Variants in GXYLT1 observed in about 807,000 individuals in gnomAD.
GXYLT1 encodes the protein glucoside xylosyltransferase 1.
In GXYLT1, 29 loss-of-function variants were observed where a neutral mutation model predicts 54.0. That is an observed-to-expected ratio of 0.54 (90% confidence interval 0.40 to 0.73). The LOEUF (loss-of-function observed/expected upper bound fraction) is 0.73, where lower values mean the gene tolerates loss of function less well. Ranked by LOEUF, GXYLT1 falls within the 30% of genes least tolerant of loss-of-function variation. The pLI, the probability that GXYLT1 is intolerant of heterozygous loss-of-function variation, is 0.00. For missense variants in GXYLT1, 490 were observed against 553.4 expected, an observed-to-expected ratio of 0.89 and a Z score of 1.15; for synonymous variants, 176 against 204.1, an observed-to-expected ratio of 0.86 and a Z score of 1.17.
At chr12:42,133,753 T>C (rs886268026) in intron 1 of GXYLT1, among the ~76,000 whole-genome samples, 11 of 152,160 alleles carry the variant, frequency 7.2e-5, no homozygotes, top group South Asian at 2.1e-4. Flanking sequence ...GGCAACACTA[T>C]AGTGAGTAAA....
At chr12:42,092,569 C>A (rs964843241) in intron 7 of GXYLT1, among the ~76,000 whole-genome samples, 7 of 151,754 alleles carry the variant, frequency 4.6e-5, no homozygotes, top group African/African-American at 1.7e-4. Context: ...TAAAAGGGGA[C>A]TAATAAGAAC....
intron 3 of GXYLT1, among the ~76,000 whole-genome samples, chr12:42,115,578 G>A (rs867609466): frequency 0.045 from 6,797 of 152,138 alleles, 442 homozygotes; most frequent in African/African-American, 0.14. Context: ...TACAAGGGAT[G>A]TGAAGGACCT....
intron 1 of GXYLT1, among the ~76,000 whole-genome samples, chr12:42,130,090 T>C (rs191689668): frequency 6.6e-6 from 1 of 152,358 alleles, no homozygotes; most frequent in East Asian, 1.9e-4. Flanking sequence ...GGAAACAGTG[T>C]TTCCGTCGGA....
rs1263192131 is a variant in GXYLT1 at position 42,082,449 on chromosome 12, T to C, written c.*5337A>G. The C allele has an allele frequency of 6.6e-6, 1 of 152,188 alleles. No homozygotes were observed. The highest frequency in any genetic ancestry group is 2.4e-5 in the African/African-American group (1 of 41,458). 9.4% of individuals were successfully genotyped at this position (152,188 alleles called of 1,614,324 possible). On this transcript the variant is annotated 3_prime_UTR_variant, in exon 8 of 8. Coordinates refer to ENST00000398675, the MANE Select transcript of GXYLT1 (RefSeq NM_173601.2). ...TCCCTGAAGAGGTTTTATAAAAAGG[T>C]TGAAAATGGCTGTTTTTCATAGTCA...
Position 42,095,066 on chromosome 12 carries a change from G to A in GXYLT1, c.1161+2376C>T, listed in dbSNP as rs564211225. ...TATATAAAAAGATTAAACTTCACTC[G>A]TAAGAGAAATGCAAATTAAAACTAC... is the stretch of plus-strand genomic sequence containing the variant. On this transcript the variant is annotated intron_variant, in intron 7 of 7. Transcript: ENST00000398675. Among the ~76,000 whole-genome samples the A allele has an allele frequency of 3.9e-5, 6 of 151,974 alleles. No homozygotes were observed. In the South Asian group the frequency reaches 6.2e-4, roughly 16 times the overall value.
chr12:42,144,218 T>C (rs888379647), intron 1 of GXYLT1, among the ~76,000 whole-genome samples: 1 of 152,202 alleles, frequency 6.6e-6, no homozygotes, highest in South Asian at 2.1e-4. Flanking sequence ...GGTCAAAAGA[T>C]AAACACAGAA....
intron 2 of GXYLT1, among the ~76,000 whole-genome samples, chr12:42,124,790 G>A (rs1740312169): frequency 1.3e-5 from 2 of 152,194 alleles, no homozygotes; most frequent in African/African-American, 4.8e-5. Flanking sequence ...TTTGTAGCCT[G>A]TTGTGAAAAG....
chr12:42,131,251 G>A (rs1312097682), intron 1 of GXYLT1, among the ~76,000 whole-genome samples: 2 of 152,226 alleles, frequency 1.3e-5, no homozygotes, highest in East Asian at 3.9e-4. Flanking sequence ...CACTAAACCA[G>A]GTCACTTCAT....
At chr12:42,134,348 G>A (rs752497484) in intron 1 of GXYLT1, among the ~76,000 whole-genome samples, 1 of 152,084 alleles carries the variant, frequency 6.6e-6, no homozygotes, top group African/African-American at 2.4e-5. Context: ...GTCTTGCTCT[G>A]TCGCTCAGGG....
chr12:42,121,876 A>G (rs1002786317), intron 2 of GXYLT1, among the ~76,000 whole-genome samples: 1 of 152,106 alleles, frequency 6.6e-6, no homozygotes, highest in African/African-American at 2.4e-5. Flanking sequence ...ACACGGTTAA[A>G]AGATGTCTCT....
chr12:42,102,234 A>G (rs1166604903), intron 5 of GXYLT1, among the ~76,000 whole-genome samples: 1 of 152,326 alleles, frequency 6.6e-6, no homozygotes, highest in South Asian at 2.1e-4. Flanking sequence ...CTCCAACAAA[A>G]AAGTGGGAAC....
intron 1 of GXYLT1, among the ~76,000 whole-genome samples, chr12:42,141,060 G>A (rs1342808613): frequency 6.6e-6 from 1 of 152,082 alleles, no homozygotes; most frequent in African/African-American, 2.4e-5. Flanking sequence ...CTCCTTTGAG[G>A]CACCGCTCCT....
At chr12:42,130,172 A>G (rs891341977) in intron 1 of GXYLT1, among the ~76,000 whole-genome samples, 3 of 152,304 alleles carry the variant, frequency 2.0e-5, no homozygotes, top group Middle Eastern at 6.8e-3. Context: ...TTCACAGGCT[A>G]CACATATACC....
chr12:42,094,286 C>T lies in GXYLT1; in HGVS notation c.1161+3156G>A, dbSNP rs140243400. Among the ~76,000 whole-genome samples, 1,447 of 150,318 alleles carry T rather than the reference C, an allele frequency of 9.6e-3. 12 individuals carry two copies. The highest frequency in any genetic ancestry group is 0.017 in the Middle Eastern group (5 of 294). On this transcript the variant is annotated intron_variant, in intron 7 of 7. Transcript: ENST00000398675. ...GGATCAACTGAATCCAGAAGGTCAA[C>T]GCTGCAGTAAGCTGTGATCACACTA...
At chr12:42,103,207 C>T (rs1169315855) in intron 5 of GXYLT1, among the ~76,000 whole-genome samples, 1 of 152,190 alleles carries the variant, frequency 6.6e-6, no homozygotes, top group Non-Finnish European at 1.5e-5. Context: ...GATCCACCCA[C>T]CTCGGTCTCC....
rs997355718 is a variant in GXYLT1 at position 42,144,858 on chromosome 12, G to A, written c.-212C>T. ...GAGCCGAAGGACTACCCGCCCGGAA[G>A]CCTGGACACCGCCTCTGCCGCCGCG... On this transcript the variant is annotated 5_prime_UTR_variant, in exon 1 of 8. Coordinates refer to ENST00000398675, the MANE Select transcript of GXYLT1 (RefSeq NM_173601.2). 3 of 344,024 alleles carry A rather than the reference G, an allele frequency of 8.7e-6. No homozygotes were observed. The highest frequency in any genetic ancestry group is 1.6e-5 in the Non-Finnish European group (3 of 189,234). 21.3% of individuals were successfully genotyped at this position (344,024 alleles called of 1,614,324 possible). A position where few individuals can be genotyped will look rare whatever the true frequency, so the allele number is the denominator to read the frequency against.
chr12:42,133,120 T>C (rs943612675), intron 1 of GXYLT1, among the ~76,000 whole-genome samples: 1 of 151,988 alleles, frequency 6.6e-6, no homozygotes, highest in South Asian at 2.1e-4. Flanking sequence ...CCATCTCTAA[T>C]AAAAAAAATC....
intron 4 of GXYLT1, 28 bp downstream of exon 4, chr12:42,109,538 A>T: frequency 6.9e-7 from 1 of 1,441,546 alleles, no homozygotes; most frequent in Non-Finnish European, 9.1e-7. Context: ...AAAAAAAAAA[A>T]AAAAAGACAC....
At position 42,084,140 on chromosome 12, in the gene GXYLT1, C is replaced by T. The variant is rs894104752; in HGVS notation, c.*3646G>A. The stretch of plus-strand genomic sequence containing the variant: ...ACCCCAGAGAGCCCAGGCAAGCAAA[C>T]TGATGTAGTGTGAGGGCTACAACTC... On this transcript the variant is annotated 3_prime_UTR_variant, in exon 8 of 8. Transcript: ENST00000398675. 2 of 55,094 alleles carry T rather than the reference C, an allele frequency of 3.6e-5. No individual in the cohort carries two copies. The highest frequency in any genetic ancestry group is 1.5e-4 in the African/African-American group (2 of 13,578). 3.4% of individuals were successfully genotyped at this position (55,094 alleles called of 1,614,324 possible). A position where few individuals can be genotyped will look rare whatever the true frequency, so the allele number is the denominator to read the frequency against.
Sources: gnomAD v4.1 joint callset for allele counts (sites outside exome capture counted in the v4.1 genomes callset) on GRCh38, gnomAD v4.1.1 for gene constraint, MANE v1.5 for transcripts, NCBI Gene and HGNC (gene_info 2026-07-23, HGNC 2026-07-21) for gene names.